Variants in FBXW11 observed in about 807,000 individuals in gnomAD.
FBXW11 encodes F-box and WD repeat domain containing 11, also known as F-box/WD repeat-containing protein 11.
A neutral mutation model predicts 77.6 loss-of-function variants in FBXW11; 19 were observed. The observed-to-expected ratio is 0.24, with a 90% CI of 0.17 to 0.36. The LOEUF is 0.36. Among genes scored for constraint, FBXW11 ranks in the 10% least tolerant of loss-of-function variants. FBXW11 has a pLI of 1.00. For missense variants in FBXW11, 334 were observed against 704.2 expected (o/e 0.47, Z 5.95); for synonymous variants, 235 against 249.4 (o/e 0.94, Z 0.54).
intron 1 of FBXW11, among the ~76,000 whole-genome samples, chr5:171,961,084 T>C (rs1763886131): frequency 6.6e-6 from 1 of 152,222 alleles, no homozygotes; most frequent in Non-Finnish European, 1.5e-5. Context: ...CAATAGACAT[T>C]ACTTTCCCCT....
chr5:171,917,944 T>C (rs1242649944), intron 2 of FBXW11, among the ~76,000 whole-genome samples: 2 of 152,126 alleles, frequency 1.3e-5, no homozygotes, highest in African/African-American at 4.8e-5. Flanking sequence ...TTCCCAAGTT[T>C]GTTGGACATG....
chr5:171,968,269 A>G (rs546559203), intron 1 of FBXW11, among the ~76,000 whole-genome samples: 8 of 152,092 alleles, frequency 5.3e-5, no homozygotes, highest in African/African-American at 1.9e-4. Flanking sequence ...ATCCCGGCTA[A>G]CACGGTGAAA....
intron 2 of FBXW11, among the ~76,000 whole-genome samples, chr5:171,942,416 A>G (rs1470350010): frequency 6.6e-6 from 1 of 152,196 alleles, no homozygotes; most frequent in Non-Finnish European, 1.5e-5. Flanking sequence ...TGAAGATTAC[A>G]GACCAGCTGT....
At chr5:171,917,077 T>C (rs774423480) in intron 2 of FBXW11, among the ~76,000 whole-genome samples, 3 of 151,916 alleles carry the variant, frequency 2.0e-5, no homozygotes, top group Non-Finnish European at 4.4e-5. Context: ...CACACCACCA[T>C]GCCCAGCTAA....
At chr5:171,913,818 T>TACACACACACACACACACATACAC (rs1761041777) in intron 3 of FBXW11, among the ~76,000 whole-genome samples, 1 of 65,324 alleles carries the variant, frequency 1.5e-5, no homozygotes, top group Admixed American at 1.7e-4. Context: ...CACACACACA[T>TACACACACACACACACACATACAC]ACACACACAC....
Position 171,914,411 on chromosome 5 carries a change from G to T in FBXW11, c.148-6C>A. 2 of 1,576,500 alleles carry T rather than the reference G, an allele frequency of 1.3e-6. No homozygotes were observed. The highest frequency in any genetic ancestry group is 1.4e-5 in the African/African-American group (1 of 72,744). ...TCTTCCATAACTGAAGTGTTCTAGG[G>T]GGGGAAAAACAGGTTATTTGAATTA... On this transcript the variant is annotated splice_polypyrimidine_tract_variant and splice_region_variant and intron_variant, in intron 2 of 13. Transcript: ENST00000517395.
intron 1 of FBXW11, among the ~76,000 whole-genome samples, chr5:171,974,256 G>A (rs978783468): frequency 1.1e-4 from 17 of 152,002 alleles, no homozygotes; most frequent in African/African-American, 4.1e-4. Flanking sequence ...CCAACATGGA[G>A]AAACCCCATC....
intron 2 of FBXW11, among the ~76,000 whole-genome samples, chr5:171,942,481 T>G (rs1164004475): frequency 6.6e-6 from 1 of 152,214 alleles, no homozygotes; most frequent in African/African-American, 2.4e-5. Flanking sequence ...TAGATTTAGT[T>G]TAAATGAATA....
chr5:171,939,161 C>T (rs1762620466), intron 2 of FBXW11, among the ~76,000 whole-genome samples: 2 of 151,994 alleles, frequency 1.3e-5, no homozygotes, highest in South Asian at 2.1e-4. Context: ...CACTTGAACC[C>T]GGGAGGCAGA....
chr5:172,006,505 C>A lies in FBXW11; in HGVS notation c.-3G>T. The A allele has an allele frequency of 6.7e-7, 1 of 1,502,786 alleles. No homozygotes were observed. Among genetic ancestry groups the A allele is most frequent in the South Asian group, 1.3e-5 (1 of 79,352 alleles). 93.1% of individuals were successfully genotyped at this position (1,502,786 alleles called of 1,614,324 possible). A position where few individuals can be genotyped will look rare whatever the true frequency, so the allele number is the denominator to read the frequency against. ...TCAATCACCGAGTCGGGCTCCATGG[C>A]GGCCCCGGCGGCCCCGCCTCGCTCT... On this transcript the variant is annotated 5_prime_UTR_variant, in exon 1 of 14. Transcript: ENST00000517395.
intron 4 of FBXW11, among the ~76,000 whole-genome samples, chr5:171,907,434 A>T (rs1341041406): frequency 6.6e-6 from 1 of 152,192 alleles, no homozygotes. Context: ...ATTAAATCTA[A>T]GTATGAACAT....
chr5:171,948,846 T>C (rs1303534454), intron 2 of FBXW11, among the ~76,000 whole-genome samples: 2 of 152,236 alleles, frequency 1.3e-5, no homozygotes, highest in African/African-American at 2.4e-5. Context: ...TTGGAAACCA[T>C]AAATTACAAC....
Position 171,904,299 on chromosome 5 carries a change from T to A in FBXW11, c.437-4199A>T, listed in dbSNP as rs531132697. Among the ~76,000 whole-genome samples, 302 of 151,770 alleles carry A rather than the reference T, an allele frequency of 2.0e-3. 5 individuals carry two copies. The highest frequency in any genetic ancestry group is 3.4e-3 in the Middle Eastern group (1 of 294). On this transcript the variant is annotated intron_variant, in intron 4 of 13. Transcript: ENST00000517395. This position sits in a 1 kb window ranked among gnomAD's most constrained non-coding sequence, Gnocchi z 4.0. ...TACAGTGCAAGACTCTGTCTTTTTT[T>A]AAAAAAAATAAAAAATAAAAAGAAT...
chr5:171,932,289 T>G (rs1331513762), intron 2 of FBXW11, among the ~76,000 whole-genome samples: 6 of 152,108 alleles, frequency 3.9e-5, no homozygotes, highest in Non-Finnish European at 7.4e-5. Context: ...CAAATAAACA[T>G]GGAATATGGA....
intron 2 of FBXW11, among the ~76,000 whole-genome samples, chr5:171,921,055 T>C (rs529078028): frequency 1.3e-5 from 2 of 152,330 alleles, no homozygotes; most frequent in South Asian, 4.1e-4. Context: ...AGTACAGCAA[T>C]ACTGTGTCTG....
At chr5:171,929,831 G>A (rs920280053) in intron 2 of FBXW11, among the ~76,000 whole-genome samples, 7 of 152,156 alleles carry the variant, frequency 4.6e-5, no homozygotes, top group Admixed American at 2.0e-4. Context: ...CAGCCTAGGC[G>A]AGAGAGCGAG....
intron 10 of FBXW11, 74 bp from the exon 11 acceptor site, chr5:171,870,932 T>C: frequency 2.0e-6 from 2 of 989,710 alleles, no homozygotes; most frequent in South Asian, 2.7e-5. Flanking sequence ...TTTTTATATC[T>C]GTTCCATACA....
At chr5:171,875,241 C>T (rs1246644224) in intron 9 of FBXW11, among the ~76,000 whole-genome samples, 1 of 138,752 alleles carries the variant, frequency 7.2e-6, no homozygotes, top group East Asian at 2.1e-4. Flanking sequence ...AAGACCCCAT[C>T]TGTACTTTTA....
chr5:171,999,473 A>G lies in FBXW11; in HGVS notation c.45+6985T>C, dbSNP rs986896460. 7.2e-5 allele frequency among the ~76,000 whole-genome samples: 11 copies of G among 151,918 alleles called. No individual in the cohort carries two copies. The East Asian group carries it at 1.9e-3, about 27-fold the overall frequency. On this transcript the variant is annotated intron_variant, in intron 1 of 13. Coordinates refer to ENST00000517395, the MANE Select transcript of FBXW11 (RefSeq NM_001378974.1). ...GTATATATATATTTCTTCAATCCCTAATTGCTGGCAGGCCTTATGCTAGTA... is the reference window on the plus strand; with the variant it reads ...GTATATATATATTTCTTCAATCCCTGATTGCTGGCAGGCCTTATGCTAGTA...
Sources: allele counts gnomAD v4.1 joint callset (sites outside exome capture counted in the v4.1 genomes callset), GRCh38; gene constraint gnomAD v4.1.1; non-coding constraint Gnocchi (gnomAD v3.1); transcripts MANE v1.5; gene names NCBI Gene and HGNC (gene_info 2026-07-23, HGNC 2026-07-21).